CLVS1: variants seen among roughly 807,000 people sequenced by gnomAD.
CLVS1 encodes clavesin-1.
In CLVS1, 10 loss-of-function variants were observed where a neutral mutation model predicts 33.1. The ratio of observed to expected loss-of-function variants is 0.30; its 90% CI spans 0.19 to 0.51. The LOEUF (loss-of-function observed/expected upper bound fraction) is 0.51. CLVS1 is among the 20% of genes least tolerant of loss of function. CLVS1 has a pLI of 0.97. For missense variants in CLVS1, 343 were observed against 433.4 expected (o/e 0.79, Z 1.85); for synonymous variants, 163 against 166.1 (o/e 0.98, Z 0.14).
chr8:61,150,644 A>G (rs1806511511), intron 2 of CLVS1, among the ~76,000 whole-genome samples: 1 of 152,164 alleles, frequency 6.6e-6, no homozygotes, highest in Admixed American at 6.5e-5. Flanking sequence ...GTGAGACAGC[A>G]GTAGCTGTGT....
chr8:60,981,837 G>A, the CLVS1 span, among the ~76,000 whole-genome samples: 38 of 152,368 alleles, frequency 2.5e-4, no homozygotes, highest in African/African-American at 8.2e-4. Context: ...GTGCAAGAGC[G>A]GGACCCCTCA....
chr8:61,197,369 T>C (rs777819252), intron 2 of CLVS1, among the ~76,000 whole-genome samples: 1 of 152,178 alleles, frequency 6.6e-6, no homozygotes, highest in African/African-American at 2.4e-5. Context: ...CTCTTGGGTT[T>C]GTTTCTGGGT....
Position 61,061,535 on chromosome 8 carries a change from G to A in CLVS1, c.-243+4305G>A, listed in dbSNP as rs1804583473. Among the ~76,000 whole-genome samples the A allele has an allele frequency of 2.0e-5, 3 of 152,068 alleles. No individual in the cohort carries two copies. In the South Asian group the frequency reaches 6.2e-4, roughly 32 times the overall value. On this transcript the variant is annotated intron_variant, in intron 1 of 2. Coordinates refer to the CLVS1 transcript ENST00000522621. ...TAGCACTAATGTTTGAAAAGAAAAT[G>A]TGACAACAGGTAAAATTTATAGGAG...
chr8:61,483,463 CAA>C (rs1454668039), intron 5 of CLVS1, among the ~76,000 whole-genome samples: 3 of 152,032 alleles, frequency 2.0e-5, no homozygotes, highest in African/African-American at 7.2e-5. Flanking sequence ...GCCTACCAAC[CAA>C]AAAAAGTCCA....
the CLVS1 span, among the ~76,000 whole-genome samples, chr8:61,001,978 C>G: frequency 6.7e-6 from 1 of 150,282 alleles, no homozygotes; most frequent in Non-Finnish European, 1.5e-5. Context: ...TGCCTTCAAT[C>G]AACCCACTTT....
intron 1 of CLVS1, among the ~76,000 whole-genome samples, chr8:61,059,679 C>T (rs1051078505): frequency 4.0e-5 from 6 of 150,882 alleles, no homozygotes; most frequent in East Asian, 2.0e-4. Context: ...GATGTGGTGA[C>T]GTGTGCCTCT....
At chr8:61,050,415 A>G in the CLVS1 span, among the ~76,000 whole-genome samples, 1 of 152,176 alleles carries the variant, frequency 6.6e-6, no homozygotes, top group African/African-American at 2.4e-5. Flanking sequence ...CAAACACTGC[A>G]TTCTCTAGCA....
chr8:61,388,088 C>T (rs1412130803), intron 3 of CLVS1, among the ~76,000 whole-genome samples: 4 of 151,916 alleles, frequency 2.6e-5, no homozygotes, highest in African/African-American at 9.7e-5. Flanking sequence ...CTACCCAAAT[C>T]ATAAGTGTGT....
intron 3 of CLVS1, among the ~76,000 whole-genome samples, chr8:61,395,546 A>T (rs975080436): frequency 6.6e-6 from 1 of 152,254 alleles, no homozygotes; most frequent in Non-Finnish European, 1.5e-5. Flanking sequence ...ATTTACACAT[A>T]GATCAAAAAT....
intron 2 of CLVS1, among the ~76,000 whole-genome samples, chr8:61,181,011 A>G (rs950609027): frequency 5.3e-5 from 8 of 152,346 alleles, no homozygotes; most frequent in East Asian, 1.9e-4. Context: ...AGAGAAAGAA[A>G]TAAATGTATT....
rs530256867 is a variant in CLVS1, at chr8:61,197,826, G to T, written c.-152+65966G>T. On this transcript the variant is annotated intron_variant, in intron 2 of 2. Coordinates refer to the CLVS1 transcript ENST00000522621. ...TAAGCCACAGTTTCATTCATACCCA[G>T]TATGGCTTTACTCTCCACTGTGAAA... Among the ~76,000 whole-genome samples, 4 of 152,266 alleles carry T rather than the reference G, an allele frequency of 2.6e-5. No individual in the cohort carries two copies. In the East Asian group the frequency reaches 7.7e-4, roughly 29 times the overall value.
chr8:61,113,452 G>GT (rs1353531839), intron 1 of CLVS1, among the ~76,000 whole-genome samples: 1 of 152,172 alleles, frequency 6.6e-6, no homozygotes, highest in African/African-American at 2.4e-5. Flanking sequence ...TTTGAGGTGT[G>GT]TGGTGGTGAG....
intron 3 of CLVS1, among the ~76,000 whole-genome samples, chr8:61,428,336 TGTG>T (rs1041754146): frequency 6.6e-6 from 1 of 152,220 alleles, no homozygotes; most frequent in Non-Finnish European, 1.5e-5. Context: ...GAAATGCTTG[TGTG>T]TATGTGTGTG....
intron 2 of CLVS1, among the ~76,000 whole-genome samples, chr8:61,163,546 A>G (rs755562844): frequency 6.6e-6 from 1 of 152,066 alleles, no homozygotes; most frequent in Non-Finnish European, 1.5e-5. Flanking sequence ...TTGTTCTTAG[A>G]GCTCCCAAGA....
chr8:61,386,608 G>A (rs1814094924), intron 3 of CLVS1, among the ~76,000 whole-genome samples: 2 of 152,174 alleles, frequency 1.3e-5, no homozygotes, highest in Admixed American at 6.5e-5. Flanking sequence ...TAGCTCAGGA[G>A]GCAGTCTAGT....
intron 3 of CLVS1, among the ~76,000 whole-genome samples, chr8:61,413,920 G>A (rs899613521): frequency 1.3e-5 from 2 of 152,216 alleles, no homozygotes; most frequent in African/African-American, 4.8e-5. Flanking sequence ...TTTTCAGGGA[G>A]TTACTGATGA....
chr8:61,497,703 G>A (rs1804316682), intron 5 of CLVS1, among the ~76,000 whole-genome samples: 1 of 152,128 alleles, frequency 6.6e-6, no homozygotes, highest in African/African-American at 2.4e-5. Context: ...GAAGTCCATA[G>A]AGTAAAGTGA....
Position 61,343,461 on chromosome 8 carries a change from A to C in CLVS1, c.456-33144A>C, listed in dbSNP as rs185628597. ...GCAATGGTCTGTGACAGTATGATTC[A>C]GTTACTGCTGAGAGTTCCCAGGAAT... On this transcript the variant is annotated intron_variant, in intron 2 of 5. Transcript: ENST00000325897. Among the ~76,000 whole-genome samples the C allele has an allele frequency of 1.4e-4, 22 of 152,358 alleles. No individual in the cohort carries two copies. The East Asian group carries it at 3.7e-3, about 25-fold the overall frequency.
At chr8:61,177,053 C>T (rs918578884) in intron 2 of CLVS1, among the ~76,000 whole-genome samples, 3 of 150,184 alleles carry the variant, frequency 2.0e-5, no homozygotes, top group Non-Finnish European at 4.4e-5. Flanking sequence ...CTGCCTAACA[C>T]ACTAAGCTCC....
Sources: allele counts gnomAD v4.1 joint callset (sites outside exome capture counted in the v4.1 genomes callset), GRCh38; gene constraint gnomAD v4.1.1; transcripts MANE v1.5; gene names NCBI Gene and HGNC (gene_info 2026-07-23, HGNC 2026-07-21).